ROBO2: variants seen among roughly 807,000 people sequenced by gnomAD.
The protein encoded by ROBO2 is roundabout guidance receptor 2.
A neutral mutation model predicts 160.8 loss-of-function variants in ROBO2; 53 were observed. That is an observed-to-expected ratio of 0.33 (90% CI 0.26 to 0.41). The LOEUF (loss-of-function observed/expected upper bound fraction) is 0.41. Among genes scored for constraint, ROBO2 ranks in the 10% least tolerant of loss-of-function variants. The pLI is 1.00. For missense variants in ROBO2, 1,577 were observed against 1,722.4 expected, an observed-to-expected ratio of 0.92 and a Z score of 1.49; for synonymous variants, 664 against 611.7, an observed-to-expected ratio of 1.09 and a Z score of -1.26.
intron 12 of ROBO2, among the ~76,000 whole-genome samples, chr3:77,567,209 C>T (rs78196458): frequency 0.022 from 3,406 of 151,956 alleles, 127 homozygotes; most frequent in African/African-American, 0.077. Context: ...AAAATACTTT[C>T]GCGAGAGTGC....
chr3:76,279,920 G>T (rs1223073669), intron 2 of ROBO2, among the ~76,000 whole-genome samples: 2 of 151,936 alleles, frequency 1.3e-5, no homozygotes, highest in Non-Finnish European at 2.9e-5. Flanking sequence ...TACTGTGACA[G>T]CTCCCCAGGG....
chr3:77,488,411 C>T (rs1221777097), intron 4 of ROBO2, among the ~76,000 whole-genome samples: 1 of 152,174 alleles, frequency 6.6e-6, no homozygotes, highest in African/African-American at 2.4e-5. Flanking sequence ...GAGATTTCTT[C>T]CCCGTTTTTC....
intron 2 of ROBO2, among the ~76,000 whole-genome samples, chr3:76,677,632 C>T (rs2092443424): frequency 6.6e-6 from 1 of 152,026 alleles, no homozygotes; most frequent in African/African-American, 2.4e-5. Flanking sequence ...CAGAAAAATC[C>T]ATCTCTTCTT....
chr3:76,693,955 A>G (rs2092871035), intron 2 of ROBO2, among the ~76,000 whole-genome samples: 1 of 152,204 alleles, frequency 6.6e-6, no homozygotes, highest in Non-Finnish European at 1.5e-5. Context: ...ATACTTAAAA[A>G]TAATGCTTTA....
chr3:77,474,106 A>C (rs2083688753), intron 2 of ROBO2, among the ~76,000 whole-genome samples: 1 of 152,190 alleles, frequency 6.6e-6, no homozygotes, highest in African/African-American at 2.4e-5. Context: ...GAAGTTGGAC[A>C]ACAAACCTGG....
chr3:76,914,858 C>G (rs1169840703), intron 2 of ROBO2, among the ~76,000 whole-genome samples: 1 of 152,078 alleles, frequency 6.6e-6, no homozygotes, highest in Non-Finnish European at 1.5e-5. Flanking sequence ...AAAAACAGGA[C>G]AGGGTGTTCT....
At chr3:77,118,541 G>A (rs2074424888) in intron 2 of ROBO2, among the ~76,000 whole-genome samples, 1 of 152,136 alleles carries the variant, frequency 6.6e-6, no homozygotes, top group African/African-American at 2.4e-5. Flanking sequence ...TTTTAAAATT[G>A]GAGATGCTCC....
intron 2 of ROBO2, among the ~76,000 whole-genome samples, chr3:76,152,892 T>G (rs2072263846): frequency 1.3e-5 from 2 of 152,174 alleles, no homozygotes; most frequent in African/African-American, 4.8e-5. Flanking sequence ...AAAATCGATG[T>G]CAATTACCAA....
chr3:76,990,359 A>G (rs558041161), intron 2 of ROBO2, among the ~76,000 whole-genome samples: 183 of 152,346 alleles, frequency 1.2e-3, no homozygotes, highest in African/African-American at 4.0e-3. Flanking sequence ...CAAAACATAT[A>G]AAATCACAAA....
intron 2 of ROBO2, chr3:76,434,786 T>A: frequency 2.3e-6 from 3 of 1,307,720 alleles, no homozygotes; most frequent in South Asian, 1.2e-5. Flanking sequence ...CGCAGATTAA[T>A]CAGGGGGAGA....
At chr3:76,964,101 A>G (rs2079886502) in intron 2 of ROBO2, among the ~76,000 whole-genome samples, 1 of 152,174 alleles carries the variant, frequency 6.6e-6, no homozygotes, top group African/African-American at 2.4e-5. Flanking sequence ...TGTGCCATAA[A>G]GGAACTCGTT....
At chr3:76,369,686 G>T (rs1317502397) in intron 2 of ROBO2, among the ~76,000 whole-genome samples, 1 of 151,778 alleles carries the variant, frequency 6.6e-6, no homozygotes, top group Admixed American at 6.6e-5. Flanking sequence ...TCTTTGGTTT[G>T]TCTCTCTCCT....
At chr3:76,501,869 T>G (rs1448548645) in intron 2 of ROBO2, among the ~76,000 whole-genome samples, 1 of 152,202 alleles carries the variant, frequency 6.6e-6, no homozygotes, top group African/African-American at 2.4e-5. Context: ...CCTTTTTACA[T>G]GTACGCTGTT....
At chr3:76,443,591 C>T (rs367645358) in intron 2 of ROBO2, among the ~76,000 whole-genome samples, 13 of 152,102 alleles carry the variant, frequency 8.5e-5, no homozygotes, top group African/African-American at 2.2e-4. Flanking sequence ...GCCCTTTTCT[C>T]CAAATACTGC....
At chr3:77,468,267 A>G (rs1441646043) in intron 2 of ROBO2, among the ~76,000 whole-genome samples, 1 of 152,234 alleles carries the variant, frequency 6.6e-6, no homozygotes, top group Non-Finnish European at 1.5e-5. Flanking sequence ...TGTTGAAGGC[A>G]TGCCAACTGC....
intron 2 of ROBO2, among the ~76,000 whole-genome samples, chr3:76,025,990 A>C (rs561795036): frequency 6.6e-6 from 1 of 151,922 alleles, no homozygotes; most frequent in South Asian, 2.1e-4. Context: ...TTTGTCTAAA[A>C]CCAATCTCAC....
At chr3:76,392,113 T>G (rs1275330321) in intron 2 of ROBO2, among the ~76,000 whole-genome samples, 1 of 152,210 alleles carries the variant, frequency 6.6e-6, no homozygotes, top group East Asian at 1.9e-4. Context: ...TAATAAGATT[T>G]TCTTTTTCTG....
chr3:76,480,482 G>C (rs1430885388), intron 2 of ROBO2, among the ~76,000 whole-genome samples: 1 of 151,982 alleles, frequency 6.6e-6, no homozygotes, highest in African/African-American at 2.4e-5. Flanking sequence ...TAGTCTATTG[G>C]GGTTGCTCTA....
chr3:77,554,968 G>A (rs1666114), intron 8 of ROBO2, among the ~76,000 whole-genome samples: 84,886 of 151,666 alleles, frequency 0.56, 23,818 homozygotes, highest in Middle Eastern at 0.68. Flanking sequence ...TTCCTGAAAG[G>A]AATAGTGAAT....
Sources: allele counts gnomAD v4.1 joint callset (sites outside exome capture counted in the v4.1 genomes callset), GRCh38; gene constraint gnomAD v4.1.1; transcripts MANE v1.5; gene names NCBI Gene and HGNC (gene_info 2026-07-23, HGNC 2026-07-21).